LRCH2: variants seen among roughly 807,000 people sequenced by gnomAD.
LRCH2 encodes the protein leucine rich repeats and calponin homology domain containing 2, also known as leucine-rich repeat and calponin homology domain-containing protein 2.
LRCH2 carries 38 observed loss-of-function variants against 68.9 expected under a neutral mutation model. The observed-to-expected ratio is 0.55, with a 90% CI of 0.43 to 0.72. LRCH2 has a LOEUF of 0.72. Ranked by LOEUF, LRCH2 falls within the 30% of genes least tolerant of loss-of-function variation. LRCH2 has a pLI of 0.00. For missense variants in LRCH2, 528 were observed against 572.9 expected (o/e 0.92, Z 0.80); for synonymous variants, 191 against 208.1 (o/e 0.92, Z 0.71).
Position 115,112,582 on chromosome X carries a change from A to T in LRCH2, c.*634T>A, listed in dbSNP as rs910034472. 2 of 111,825 alleles carry T rather than the reference A, an allele frequency of 1.8e-5. No homozygotes were observed. Among genetic ancestry groups the T allele is most frequent in the African/African-American group, 6.5e-5 (2 of 30,774 alleles). 9.2% of individuals were successfully genotyped at this position (111,825 alleles called of 1,213,427 possible). A position where few individuals can be genotyped will look rare whatever the true frequency, so the allele number is the denominator to read the frequency against. On this transcript the variant is annotated 3_prime_UTR_variant, in exon 21 of 21. Coordinates refer to ENST00000317135, the MANE Select transcript of LRCH2 (RefSeq NM_020871.4). ...TTCCATTGACTCTATTAATACATTT[A>T]AAAAATTGCAAAAATGCTTAAGACT...
rs2072536659 is a variant in LRCH2, at chrX:115,163,658, C to T, written c.1463+18G>A. 9.0e-7 allele frequency: 1 copy of T among 1,111,092 alleles called. No individual in the cohort carries two copies. Among genetic ancestry groups the T allele is most frequent in the Admixed American group, 2.6e-5 (1 of 39,018 alleles). 91.6% of individuals were successfully genotyped at this position (1,111,092 alleles called of 1,213,427 possible). A position where few individuals can be genotyped will look rare whatever the true frequency, so the allele number is the denominator to read the frequency against. On this transcript the variant is annotated intron_variant, in intron 11 of 20. Transcript: ENST00000317135. The stretch of plus-strand genomic sequence containing the variant: ...TTATAAAATTTGCCAATTCAAATCT[C>T]ATTACTGAAAGGAATACCTGTTCTT...
chrX:115,129,173 T>G (rs2072222656), intron 15 of LRCH2, among the ~76,000 whole-genome samples: 1 of 111,477 alleles, frequency 9.0e-6, no homozygotes, highest in Non-Finnish European at 1.9e-5. Flanking sequence ...CAGACAAATC[T>G]GAGAGGCTTC....
intron 20 of LRCH2, among the ~76,000 whole-genome samples, chrX:115,116,844 A>G (rs2072087307): frequency 9.0e-6 from 1 of 111,236 alleles, no homozygotes. Context: ...TAAACATAGG[A>G]AAGAAATCTT....
chrX:115,121,802 A>C (rs1353898697), intron 20 of LRCH2, among the ~76,000 whole-genome samples: 2 of 112,217 alleles, frequency 1.8e-5, no homozygotes, highest in African/African-American at 3.2e-5. Flanking sequence ...AAGAGATTAA[A>C]GTGGGATCTG....
intron 1 of LRCH2, among the ~76,000 whole-genome samples, chrX:115,194,494 T>C (rs2072872937): frequency 8.9e-6 from 1 of 111,881 alleles, no homozygotes; most frequent in Non-Finnish European, 1.9e-5. Context: ...AAAATTACTG[T>C]TTACAAGTAA....
intron 5 of LRCH2, among the ~76,000 whole-genome samples, chrX:115,175,933 T>C (rs1461117966): frequency 1.8e-5 from 2 of 112,010 alleles, no homozygotes; most frequent in Admixed American, 1.9e-4. Flanking sequence ...TAACTTATAG[T>C]TGGTCAGTCA....
intron 1 of LRCH2, chrX:115,192,303 C>T (rs1556561120): frequency 2.6e-6 from 3 of 1,166,586 alleles, no homozygotes; most frequent in Middle Eastern, 4.7e-4. Context: ...AGTACCGAGG[C>T]CCCTCGCCTG....
In LRCH2 at chrX:115,181,818, T is replaced by A. The variant is rs183526467; in HGVS notation, c.622-2067A>T. Among the ~76,000 whole-genome samples the A allele has an allele frequency of 7.1e-5, 8 of 111,983 alleles. No homozygotes were observed. In the East Asian group the frequency reaches 2.2e-3, roughly 31 times the overall value. Reference sequence around the variant, plus strand: ...GTTAAACATTTTAGAATTTTCTACATAAATTAAAAAACAGTTGGTCCTCTG... The same window carrying A: ...GTTAAACATTTTAGAATTTTCTACAAAAATTAAAAAACAGTTGGTCCTCTG... On this transcript the variant is annotated intron_variant, in intron 3 of 20. Transcript: ENST00000317135.
chrX:115,222,129 T>C (rs1556574208), intron 1 of LRCH2, among the ~76,000 whole-genome samples: 1 of 111,070 alleles, frequency 9.0e-6, no homozygotes, highest in Non-Finnish European at 1.9e-5. Context: ...TTATATACCA[T>C]GTTAATACAA....
chrX:115,141,432 G>A (rs1030567773), intron 14 of LRCH2, among the ~76,000 whole-genome samples: 1 of 110,858 alleles, frequency 9.0e-6, no homozygotes, highest in Non-Finnish European at 1.9e-5. Context: ...GCGGCCAGGG[G>A]ACTTCCAGGT....
intron 1 of LRCH2, chrX:115,190,860 G>C: frequency 2.6e-6 from 3 of 1,156,149 alleles, no homozygotes; most frequent in Non-Finnish European, 3.5e-6. Context: ...GTTATGAGGA[G>C]TACCAAGGCC....
chrX:115,113,308 A>G lies in LRCH2; in HGVS notation c.2206T>C (p.Leu736=). ...QERLCLPHHI[L]EERGLVKVGV... is the part of the protein sequence containing the mutation. ...ACTTTCACAAGTCCTCGTTCTTCCA[A>G]AATATGATGAGGCAAACAAAGTCTT... The change falls in exon 21 of 21, where the codon TTG becomes CTG. Residue 736 remains leucine (L), a synonymous_variant. Transcript: ENST00000317135. The G allele has an allele frequency of 8.4e-7, 1 of 1,194,890 alleles. No individual in the cohort carries two copies. The highest frequency in any genetic ancestry group is 1.1e-6 in the Non-Finnish European group (1 of 885,390).
chrX:115,168,832 C>T (rs2147392587), intron 6 of LRCH2, among the ~76,000 whole-genome samples: 1 of 111,181 alleles, frequency 9.0e-6, no homozygotes, highest in Admixed American at 9.6e-5. Flanking sequence ...ATGTTATTCC[C>T]CCACTTAAAA....
At chrX:115,192,310 C>A in intron 1 of LRCH2, 1 of 1,160,213 alleles carries the variant, frequency 8.6e-7, no homozygotes, top group Middle Eastern at 2.3e-4. Context: ...AGGCCCCTCG[C>A]CTGACGCCCA....
At chrX:115,155,383 C>A (rs2072467087) in intron 12 of LRCH2, among the ~76,000 whole-genome samples, 1 of 109,606 alleles carries the variant, frequency 9.1e-6, no homozygotes, top group African/African-American at 3.3e-5. Context: ...ACCATCAGAG[C>A]ACATGTATAC....
chrX:115,191,794 C>G, intron 1 of LRCH2: 1 of 1,156,466 alleles, frequency 8.6e-7, no homozygotes, highest in Non-Finnish European at 1.2e-6. Context: ...GTACCGAGGC[C>G]GCTCGCTCGA....
chrX:115,212,077 A>C (rs1321839917), intron 1 of LRCH2, among the ~76,000 whole-genome samples: 2 of 112,365 alleles, frequency 1.8e-5, no homozygotes, highest in African/African-American at 6.5e-5. Context: ...AGAACTCTGA[A>C]GGGTCGGATT....
chrX:115,125,299 C>T lies in LRCH2; in HGVS notation c.1792-1297G>A, dbSNP rs113859562. 8.2e-3 allele frequency among the ~76,000 whole-genome samples: 835 copies of T among 102,204 alleles called. 9 individuals carry two copies. The highest frequency in any genetic ancestry group is 0.028 in the African/African-American group (784 of 28,016). 88.8% of individuals were successfully genotyped at this position (102,204 alleles called of 115,157 possible). A position where few individuals can be genotyped will look rare whatever the true frequency, so the allele number is the denominator to read the frequency against. The stretch of plus-strand genomic sequence containing the variant: ...GCATGTGCCTGTAGTCCTACCTACT[C>T]GGGAGGCTGAGGCACAAGAATCGCT... On this transcript the variant is annotated intron_variant, in intron 16 of 20. Coordinates refer to ENST00000317135, the MANE Select transcript of LRCH2 (RefSeq NM_020871.4).
intron 1 of LRCH2, among the ~76,000 whole-genome samples, chrX:115,212,420 T>C (rs781932519): frequency 8.9e-6 from 1 of 112,440 alleles, no homozygotes; most frequent in East Asian, 2.8e-4. Context: ...AGCATGATTA[T>C]CTTTTGCTTT....
Sources: gnomAD v4.1 joint callset for allele counts (sites outside exome capture counted in the v4.1 genomes callset) on GRCh38, gnomAD v4.1.1 for gene constraint, MANE v1.5 for transcripts, NCBI Gene and HGNC (gene_info 2026-07-23, HGNC 2026-07-21) for gene names.